LARGE1: variants seen among roughly 807,000 people sequenced by gnomAD.
LARGE1 encodes the protein LARGE xylosyl- and glucuronyltransferase 1, also known as xylosyl- and glucuronyltransferase LARGE1.
Under a neutral mutation model 87.6 loss-of-function variants are expected in LARGE1, and 43 were observed. The observed-to-expected ratio is 0.49, with a 90% CI of 0.38 to 0.63. LARGE1 has a LOEUF of 0.63. Ranked by LOEUF, LARGE1 falls within the 30% of genes least tolerant of loss-of-function variation. LARGE1 has a pLI of 0.00. For missense variants in LARGE1, 802 were observed against 1,000.2 expected (o/e 0.80, Z 2.67); for synonymous variants, 434 against 394.6 (o/e 1.10, Z -1.18).
chr22:33,362,106 A>C (rs963867061), intron 9 of LARGE1, among the ~76,000 whole-genome samples: 1 of 149,336 alleles, frequency 6.7e-6, no homozygotes. Flanking sequence ...AGTTTGTGCC[A>C]CTGGTAAAGT....
intron 11 of LARGE1, among the ~76,000 whole-genome samples, chr22:33,258,377 G>A (rs1320770390): frequency 6.6e-6 from 1 of 152,172 alleles, no homozygotes; most frequent in Non-Finnish European, 1.5e-5. Context: ...GAGTGCTGAA[G>A]AATGCCTGAG....
At chr22:33,589,486 T>TAAA (rs2078774929) in intron 5 of LARGE1, among the ~76,000 whole-genome samples, 1 of 152,120 alleles carries the variant, frequency 6.6e-6, no homozygotes, top group Non-Finnish European at 1.5e-5. Context: ...GGAAATTAAT[T>TAAA]AATTAAAAAT....
At chr22:33,872,359 C>T (rs1569002558) in intron 1 of LARGE1, among the ~76,000 whole-genome samples, 1 of 142,796 alleles carries the variant, frequency 7.0e-6, no homozygotes, top group African/African-American at 2.6e-5. Context: ...TAAATGCTAT[C>T]TATTATTATT....
In LARGE1 at chr22:33,784,970, T is replaced by C. The variant is rs375624112; in HGVS notation, c.-82-23412A>G. Among the ~76,000 whole-genome samples the C allele has an allele frequency of 1.7e-3, 254 of 151,276 alleles. 1 individual carries two copies. The highest frequency in any genetic ancestry group is 5.6e-3 in the African/African-American group (229 of 41,250). On this transcript the variant is annotated intron_variant, in intron 1 of 14. Transcript: ENST00000397394. ...ATACATGTGTACATGGGTATATACATGTGTATACATACATATGTGTACGTG... is the reference window on the plus strand; with the variant it reads ...ATACATGTGTACATGGGTATATACACGTGTATACATACATATGTGTACGTG...
At chr22:33,128,680 C>CAAAAAAAAAAAAA in the LARGE1 span, among the ~76,000 whole-genome samples, 4 of 110,282 alleles carry the variant, frequency 3.6e-5, no homozygotes, top group East Asian at 2.6e-4. Flanking sequence ...GTCTCAAAAA[C>CAAAAAAAAAAAAA]AAAAAAAAAA....
rs545184026 is a variant in LARGE1 at position 33,601,717 on chromosome 22, G to A, written c.615+2718C>T. Among the ~76,000 whole-genome samples, 3 of 152,304 alleles carry A rather than the reference G, an allele frequency of 2.0e-5. No individual in the cohort carries two copies. In the South Asian group the frequency reaches 6.2e-4, roughly 32 times the overall value. ...AAAGCAGGTGTCAGGAAACTTTGAT[G>A]AAGTCTTCGATAGTAGACATCGGGT... On this transcript the variant is annotated intron_variant, in intron 5 of 14. Coordinates refer to ENST00000397394, the MANE Select transcript of LARGE1 (RefSeq NM_133642.5).
intron 1 of LARGE1, among the ~76,000 whole-genome samples, chr22:33,785,339 T>C (rs1468190781): frequency 1.3e-5 from 2 of 152,100 alleles, no homozygotes. Context: ...CCATCCATTT[T>C]ATGAATTAGA....
chr22:33,482,973 CG>C (rs1217294888), intron 6 of LARGE1, among the ~76,000 whole-genome samples: 1 of 152,058 alleles, frequency 6.6e-6, no homozygotes, highest in Non-Finnish European at 1.5e-5. Context: ...AGATTGCATG[CG>C]GGATGGACAG....
chr22:33,248,273 T>C (rs976701654), intron 11 of LARGE1, among the ~76,000 whole-genome samples: 3 of 152,104 alleles, frequency 2.0e-5, no homozygotes, highest in African/African-American at 7.2e-5. Context: ...CTGCAACCTC[T>C]GCCTCCCAGG....
chr22:33,640,876 A>G (rs2080408379), intron 3 of LARGE1, among the ~76,000 whole-genome samples: 1 of 152,096 alleles, frequency 6.6e-6, no homozygotes, highest in African/African-American at 2.4e-5. Context: ...ATTCCTCCTC[A>G]CTGGGCAGGA....
intron 7 of LARGE1, among the ~76,000 whole-genome samples, chr22:33,393,893 G>A (rs929802727): frequency 6.6e-6 from 1 of 152,162 alleles, no homozygotes; most frequent in Non-Finnish European, 1.5e-5. Flanking sequence ...AAAATCAAAG[G>A]ATTCTCTCAT....
At chr22:33,519,036 T>C (rs1194147954) in intron 6 of LARGE1, among the ~76,000 whole-genome samples, 2 of 152,096 alleles carry the variant, frequency 1.3e-5, no homozygotes, top group Admixed American at 6.5e-5. Flanking sequence ...GAATTTGTTT[T>C]AGGCAAAAGA....
chr22:33,180,008 C>T (rs1923080373), intron 11 of LARGE1, among the ~76,000 whole-genome samples: 1 of 152,150 alleles, frequency 6.6e-6, no homozygotes, highest in Admixed American at 6.5e-5. Flanking sequence ...CTTTCTTGCC[C>T]TTCTGCCTTC....
At chr22:33,289,824 C>T (rs1932212569) in intron 12 of LARGE1, among the ~76,000 whole-genome samples, 1 of 152,168 alleles carries the variant, frequency 6.6e-6, no homozygotes, top group South Asian at 2.1e-4. Flanking sequence ...AAGCCCCCCA[C>T]AGCCTCCTCT....
At chr22:33,189,060 TAGGCAATAC>T (rs1923638196) in intron 11 of LARGE1, among the ~76,000 whole-genome samples, 1 of 152,036 alleles carries the variant, frequency 6.6e-6, no homozygotes, top group Non-Finnish European at 1.5e-5. Flanking sequence ...CCAGAAAGAC[TAGGCAATAC>T]AGGCCAGTCA....
At chr22:33,314,227 C>T (rs1365097320) in intron 11 of LARGE1, among the ~76,000 whole-genome samples, 2 of 152,136 alleles carry the variant, frequency 1.3e-5, no homozygotes, top group African/African-American at 2.4e-5. Flanking sequence ...TGCTAGGATC[C>T]CCAAGTTCTC....
At chr22:33,369,242 C>A (rs1050395799) in intron 9 of LARGE1, among the ~76,000 whole-genome samples, 1 of 152,196 alleles carries the variant, frequency 6.6e-6, no homozygotes, top group African/African-American at 2.4e-5. Flanking sequence ...GGAAGAGACA[C>A]AAGTCCAAAA....
chr22:33,528,266 T>C (rs533075131), intron 6 of LARGE1, among the ~76,000 whole-genome samples: 10 of 152,276 alleles, frequency 6.6e-5, no homozygotes, highest in African/African-American at 2.4e-4. Context: ...GCAGCCTGCA[T>C]GGTGGCTATT....
chr22:33,371,788 T>C (rs544215406), intron 9 of LARGE1, among the ~76,000 whole-genome samples: 1 of 152,156 alleles, frequency 6.6e-6, no homozygotes, highest in South Asian at 2.1e-4. Flanking sequence ...ATCGAGACCA[T>C]CCTGGCTAAC....
Sources: allele counts gnomAD v4.1 joint callset (sites outside exome capture counted in the v4.1 genomes callset), GRCh38; gene constraint gnomAD v4.1.1; transcripts MANE v1.5; gene names NCBI Gene and HGNC (gene_info 2026-07-23, HGNC 2026-07-21).